Variants in SPATA31H1 observed in about 807,000 individuals in gnomAD.
SPATA31H1 encodes SPATA31 subfamily H member 1, also known as spermatogenesis-associated protein 31H1.
chr2:27,544,071 C>G, the SPATA31H1 span, among the ~76,000 whole-genome samples: 3 of 151,988 alleles, frequency 2.0e-5, no homozygotes, highest in South Asian at 2.1e-4. Flanking sequence ...AATCTACTTC[C>G]TTTCTCAGAA....
At chr2:27,581,458 G>C in the SPATA31H1 span, 1 of 1,613,912 alleles carries the variant, frequency 6.2e-7, no homozygotes, top group Non-Finnish European at 8.5e-7. Flanking sequence ...TCTGAAAGGG[G>C]CCTTCACAGT....
At chr2:27,556,877 G>A in the SPATA31H1 span, among the ~76,000 whole-genome samples, 1 of 101,630 alleles carries the variant, frequency 9.8e-6, no homozygotes, top group Non-Finnish European at 1.9e-5. Context: ...CAGTGTTTGT[G>A]TCCCTGGGTA....
At chr2:27,558,982 A>AT in the SPATA31H1 span, among the ~76,000 whole-genome samples, 1 of 149,934 alleles carries the variant, frequency 6.7e-6, no homozygotes, top group Admixed American at 6.8e-5. Context: ...CATATATTTT[A>AT]AAATCCATGT....
chr2:27,579,970 A>G, the SPATA31H1 span: 2 of 1,614,208 alleles, frequency 1.2e-6, no homozygotes, highest in South Asian at 1.1e-5. Context: ...CTTAATTGCC[A>G]TCATAAATTA....
chr2:27,550,970 AC>A, the SPATA31H1 span, among the ~76,000 whole-genome samples: 3 of 151,668 alleles, frequency 2.0e-5, no homozygotes, highest in South Asian at 4.2e-4. Flanking sequence ...GCTCACTGCA[AC>A]CTCTGCCTGC....
chr2:27,549,733 T>C, the SPATA31H1 span, among the ~76,000 whole-genome samples: 1 of 151,914 alleles, frequency 6.6e-6, no homozygotes, highest in Non-Finnish European at 1.5e-5. Flanking sequence ...CACTTGAGCC[T>C]GGGAGGCGAA....
chr2:27,577,477 C>T, the SPATA31H1 span: 1 of 1,614,100 alleles, frequency 6.2e-7, no homozygotes, highest in Non-Finnish European at 8.5e-7. This position sits in a 1 kb window ranked among gnomAD's most constrained non-coding sequence, Gnocchi z 4.5. Context: ...AGTCAAGCCA[C>T]TGGATTTGCA....
chr2:27,555,243 T>C, the SPATA31H1 span, among the ~76,000 whole-genome samples: 1 of 152,146 alleles, frequency 6.6e-6, no homozygotes, highest in African/African-American at 2.4e-5. Flanking sequence ...ATAAATCCTG[T>C]TTTCACTACT....
At chr2:27,549,446 G>A in the SPATA31H1 span, among the ~76,000 whole-genome samples, 4 of 151,560 alleles carry the variant, frequency 2.6e-5, 1 homozygote, top group South Asian at 2.1e-4. Context: ...CAAGTGATCC[G>A]ACCACCTCAG....
At chr2:27,547,177 CTT>C in the SPATA31H1 span, among the ~76,000 whole-genome samples, 15 of 137,794 alleles carry the variant, frequency 1.1e-4, no homozygotes, top group African/African-American at 1.3e-4. Context: ...CAACTTTGAT[CTT>C]TTTTTTTTTT....
At chr2:27,580,741 A>G in the SPATA31H1 span, 2 of 1,614,208 alleles carry the variant, frequency 1.2e-6, no homozygotes, top group East Asian at 2.2e-5. Context: ...AGCAAAAACT[A>G]TTATCCAAAA....
At chr2:27,540,409 C>A in the SPATA31H1 span, among the ~76,000 whole-genome samples, 3 of 129,816 alleles carry the variant, frequency 2.3e-5, no homozygotes, top group African/African-American at 6.0e-5. Flanking sequence ...GACCCCCCCA[C>A]CTCCCTCCTG....
the SPATA31H1 span, among the ~76,000 whole-genome samples, chr2:27,561,791 C>T: frequency 0.28 from 42,020 of 152,024 alleles, 6,348 homozygotes; most frequent in East Asian, 0.49. Flanking sequence ...AACCACCTCC[C>T]GGGCTCAAGT....
the SPATA31H1 span, chr2:27,566,102 A>G: frequency 4.2e-6 from 3 of 717,406 alleles, no homozygotes; most frequent in African/African-American, 3.5e-5. Context: ...TGACATGGTG[A>G]GTAAAGCCTG....
At chr2:27,539,101 C>CTTTTTTCTTTTTTT in the SPATA31H1 span, among the ~76,000 whole-genome samples, 1 of 94,642 alleles carries the variant, frequency 1.1e-5, no homozygotes, top group Non-Finnish European at 2.1e-5. Context: ...TCATCATTTT[C>CTTTTTTCTTTTTTT]TTTTTTTTTT....
At chr2:27,543,406 T>C in the SPATA31H1 span, among the ~76,000 whole-genome samples, 185 of 152,114 alleles carry the variant, frequency 1.2e-3, 2 homozygotes, top group African/African-American at 4.2e-3. Context: ...TTTTCTTCTG[T>C]AACAAGTGAT....
chr2:27,576,874 G>T, the SPATA31H1 span: 1 of 1,613,986 alleles, frequency 6.2e-7, no homozygotes, highest in Admixed American at 1.7e-5. Context: ...CTGCCTCAAA[G>T]AGTGAAATAT....
the SPATA31H1 span, chr2:27,567,286 G>A: frequency 1.7e-6 from 1 of 584,052 alleles, no homozygotes; most frequent in Non-Finnish European, 3.1e-6. Flanking sequence ...GAGCTAGAAG[G>A]ACATATGTCT....
At chr2:27,560,145 C>T in the SPATA31H1 span, among the ~76,000 whole-genome samples, 3 of 152,126 alleles carry the variant, frequency 2.0e-5, no homozygotes, top group East Asian at 3.9e-4. Flanking sequence ...GGATTACAGG[C>T]GTGAGCCACC....
Sources: gnomAD v4.1 joint callset for allele counts (sites outside exome capture counted in the v4.1 genomes callset) on GRCh38, gnomAD v4.1.1 for gene constraint, Gnocchi (gnomAD v3.1) non-coding constraint, MANE v1.5 for transcripts, NCBI Gene and HGNC (gene_info 2026-07-23, HGNC 2026-07-21) for gene names.